Variants in MSRB3 observed in about 807,000 individuals in gnomAD.
MSRB3 encodes methionine sulfoxide reductase B3, also known as methionine-R-sulfoxide reductase B3.
MSRB3 carries 13 observed loss-of-function variants against 21.0 expected under a neutral mutation model. The ratio of observed to expected loss-of-function variants is 0.62; its 90% CI spans 0.40 to 0.98. The LOEUF (loss-of-function observed/expected upper bound fraction) is 0.98, where lower values mean the gene tolerates loss of function less well. MSRB3 is among the 50% of genes least tolerant of loss of function. The pLI is 0.00. For synonymous variants in MSRB3, 87 were observed against 88.6 expected (o/e 0.98, Z 0.10); for missense variants, 199 against 230.3 (o/e 0.86, Z 0.88).
At chr12:65,347,078 G>A (rs1235131986) in intron 4 of MSRB3, among the ~76,000 whole-genome samples, 3 of 152,096 alleles carry the variant, frequency 2.0e-5, no homozygotes. Flanking sequence ...GCTCTGTTTT[G>A]GTTCCATATG....
chr12:65,421,889 T>G (rs1881315917), intron 5 of MSRB3, among the ~76,000 whole-genome samples: 1 of 152,132 alleles, frequency 6.6e-6, no homozygotes. Flanking sequence ...AACACTAACC[T>G]TGAATGTAAA....
At chr12:65,292,928 C>G (rs1295773163) in intron 1 of MSRB3, among the ~76,000 whole-genome samples, 1 of 151,744 alleles carries the variant, frequency 6.6e-6, no homozygotes, top group Non-Finnish European at 1.5e-5. Flanking sequence ...ACAGACAGAA[C>G]TAAAGCCATG....
At chr12:65,347,093 T>G (rs1876567728) in intron 4 of MSRB3, among the ~76,000 whole-genome samples, 1 of 152,184 alleles carries the variant, frequency 6.6e-6, no homozygotes, top group Non-Finnish European at 1.5e-5. Flanking sequence ...CATATGAACT[T>G]TAAAGTAGTT....
At chr12:65,334,798 A>G (rs1431258023) in intron 4 of MSRB3, among the ~76,000 whole-genome samples, 2 of 152,204 alleles carry the variant, frequency 1.3e-5, no homozygotes, top group Non-Finnish European at 2.9e-5. Context: ...CTAGGGCAGC[A>G]GCTGGATTTG....
At chr12:65,452,082 T>C (rs1354454047) in intron 5 of MSRB3, among the ~76,000 whole-genome samples, 2 of 152,212 alleles carry the variant, frequency 1.3e-5, no homozygotes, top group African/African-American at 4.8e-5. Context: ...TATTTCTCCA[T>C]ACCTATTTTG....
intron 5 of MSRB3, chr12:65,420,065 G>A (rs1460502528): frequency 2.0e-6 from 1 of 505,872 alleles, no homozygotes; most frequent in Non-Finnish European, 3.9e-6. Context: ...CTCAGGCTTT[G>A]CTGATAACCT....
chr12:65,359,037 T>C (rs1257376916), intron 4 of MSRB3, among the ~76,000 whole-genome samples: 1 of 152,020 alleles, frequency 6.6e-6, no homozygotes, highest in Non-Finnish European at 1.5e-5. Context: ...TGTAGTATTG[T>C]CTAAATAGTA....
intron 2 of MSRB3, among the ~76,000 whole-genome samples, chr12:65,319,881 T>C (rs1212723453): frequency 3.3e-5 from 5 of 152,182 alleles, no homozygotes; most frequent in African/African-American, 7.2e-5. Flanking sequence ...GGTGAACTTA[T>C]CAGGATGTGT....
intron 1 of MSRB3, among the ~76,000 whole-genome samples, chr12:65,296,660 G>A (rs1321319252): frequency 6.6e-6 from 1 of 152,170 alleles, no homozygotes; most frequent in Admixed American, 6.5e-5. Context: ...TAGTCCCTGG[G>A]AACTAGGACA....
chr12:65,354,305 A>G (rs1877241914), intron 4 of MSRB3, among the ~76,000 whole-genome samples: 1 of 152,022 alleles, frequency 6.6e-6, no homozygotes, highest in African/African-American at 2.4e-5. Flanking sequence ...CTCCTGGATA[A>G]TATCCTGCAG....
chr12:65,317,633 T>C (rs1000126207), intron 2 of MSRB3, among the ~76,000 whole-genome samples: 5 of 152,102 alleles, frequency 3.3e-5, no homozygotes, highest in Non-Finnish European at 5.9e-5. Context: ...TAGTCTTAAA[T>C]CCAGAGAATT....
Position 65,343,376 on chromosome 12 carries a change from A to C in MSRB3, c.263+14773A>C, listed in dbSNP as rs115660213. On this transcript the variant is annotated intron_variant, in intron 4 of 6. Transcript: ENST00000308259. ...AAACTGCTTAAACCTTCTGGTTTCA[A>C]ATTTTCTCCCTCCTCATGACTACCT... Among the ~76,000 whole-genome samples, 1,231 of 152,120 alleles carry C rather than the reference A, an allele frequency of 8.1e-3. 18 individuals are homozygous for C. The highest frequency in any genetic ancestry group is 0.029 in the African/African-American group (1,190 of 41,508).
At chr12:65,439,011 C>A (rs182286976) in intron 5 of MSRB3, among the ~76,000 whole-genome samples, 49 of 151,870 alleles carry the variant, frequency 3.2e-4, no homozygotes, top group Admixed American at 4.6e-4. Flanking sequence ...CATTACAAGA[C>A]AGATTGTCAG....
At chr12:65,366,914 G>A (rs927119999) in intron 4 of MSRB3, among the ~76,000 whole-genome samples, 5 of 152,176 alleles carry the variant, frequency 3.3e-5, no homozygotes, top group Non-Finnish European at 7.3e-5. Flanking sequence ...AGTGGGAACA[G>A]TGTTTCAGGT....
intron 5 of MSRB3, among the ~76,000 whole-genome samples, chr12:65,406,930 C>T (rs534288679): frequency 1.2e-4 from 19 of 152,102 alleles, no homozygotes; most frequent in Non-Finnish European, 2.1e-4. Flanking sequence ...GAGAGCCAGC[C>T]GTCATTAGAA....
chr12:65,279,048 C>T, intron 1 of MSRB3, 183 bp downstream of exon 1: 2 of 1,423,898 alleles, frequency 1.4e-6, no homozygotes, highest in Non-Finnish European at 9.1e-7. Flanking sequence ...CCCGCGCCAG[C>T]GGTGAGGGGC....
intron 4 of MSRB3, among the ~76,000 whole-genome samples, chr12:65,350,948 T>C (rs1009765652): frequency 3.5e-4 from 52 of 148,574 alleles, no homozygotes; most frequent in Admixed American, 3.2e-3. Flanking sequence ...AACTCAGCTC[T>C]GCACCAAGCG....
intron 5 of MSRB3, among the ~76,000 whole-genome samples, chr12:65,380,306 A>G (rs953995542): frequency 2.0e-5 from 3 of 152,152 alleles, no homozygotes; most frequent in South Asian, 2.1e-4. Context: ...GGGTCCTGAT[A>G]TAGTTGGGAG....
chr12:65,402,724 G>A (rs1010281691), intron 5 of MSRB3, among the ~76,000 whole-genome samples: 5 of 152,152 alleles, frequency 3.3e-5, no homozygotes, highest in Admixed American at 6.5e-5. Context: ...GCCATTTTGC[G>A]CTGGTTTTTC....
Sources: gnomAD v4.1 joint callset for allele counts (sites outside exome capture counted in the v4.1 genomes callset) on GRCh38, gnomAD v4.1.1 for gene constraint, MANE v1.5 for transcripts, NCBI Gene and HGNC (gene_info 2026-07-23, HGNC 2026-07-21) for gene names.